FAF1: variants seen among roughly 807,000 people sequenced by gnomAD.
The protein encoded by FAF1 is FAS-associated factor 1.
FAF1 carries 25 observed loss-of-function variants against 92.5 expected under a neutral mutation model. The ratio of observed to expected loss-of-function variants is 0.27; its 90% CI spans 0.20 to 0.38. FAF1 has a LOEUF of 0.38. FAF1 is among the 10% of genes least tolerant of loss of function. FAF1 has a pLI of 1.00. For synonymous variants in FAF1, 234 were observed against 273.2 expected, an observed-to-expected ratio of 0.86 and a Z score of 1.42; for missense variants, 636 against 793.3, an observed-to-expected ratio of 0.80 and a Z score of 2.38.
chr1:50,688,828 A>T (rs973151070), intron 7 of FAF1, among the ~76,000 whole-genome samples: 10 of 152,178 alleles, frequency 6.6e-5, no homozygotes, highest in South Asian at 2.1e-4. Flanking sequence ...AAAATAAAAT[A>T]AAAATAAAAA....
intron 8 of FAF1, chr1:50,606,832 T>C (rs1345989204): frequency 6.6e-6 from 1 of 152,132 alleles, no homozygotes; most frequent in Non-Finnish European, 1.5e-5. Context: ...GCCCATATCT[T>C]ATATCACTCA....
intron 1 of FAF1, among the ~76,000 whole-genome samples, chr1:50,885,534 A>G (rs571857471): frequency 2.6e-5 from 4 of 152,190 alleles, no homozygotes; most frequent in African/African-American, 9.6e-5. Context: ...ATTACATGGA[A>G]TATCTCTTTC....
At chr1:50,949,558 GGTAA>G (rs1645197740) in intron 1 of FAF1, among the ~76,000 whole-genome samples, 1 of 152,048 alleles carries the variant, frequency 6.6e-6, no homozygotes, top group South Asian at 2.1e-4. Context: ...AAAGGAGCAG[GGTAA>G]ATATTTTAGG....
At chr1:50,481,686 C>T (rs970776628) in intron 17 of FAF1, among the ~76,000 whole-genome samples, 1 of 151,866 alleles carries the variant, frequency 6.6e-6, no homozygotes, top group African/African-American at 2.4e-5. Context: ...GGAGGGAGTG[C>T]AGGGAATGCT....
intron 7 of FAF1, among the ~76,000 whole-genome samples, chr1:50,672,944 C>G (rs1655960918): frequency 1.3e-5 from 2 of 151,870 alleles, no homozygotes; most frequent in Non-Finnish European, 2.9e-5. Context: ...ATGGCAAAAC[C>G]GTGTCTCTAC....
At chr1:50,679,568 G>A (rs375406733) in intron 7 of FAF1, among the ~76,000 whole-genome samples, 1 of 152,034 alleles carries the variant, frequency 6.6e-6, no homozygotes, top group Non-Finnish European at 1.5e-5. Flanking sequence ...CTCCTACCTG[G>A]TCCTCTCCAA....
At chr1:50,780,072 T>C in intron 4 of FAF1, among the ~76,000 whole-genome samples, 1 of 150,368 alleles carries the variant, frequency 6.7e-6, no homozygotes, top group East Asian at 2.0e-4. Flanking sequence ...AGAAAACATA[T>C]AAGAAAATGT....
chr1:50,569,611 G>A (rs968092666), intron 12 of FAF1, among the ~76,000 whole-genome samples: 4 of 152,102 alleles, frequency 2.6e-5, no homozygotes, highest in Non-Finnish European at 4.4e-5. Context: ...TACATTTAAT[G>A]AGACAGTGGG....
intron 8 of FAF1, among the ~76,000 whole-genome samples, chr1:50,615,372 G>A (rs753853509): frequency 6.6e-6 from 1 of 152,028 alleles, no homozygotes; most frequent in Admixed American, 6.6e-5. Flanking sequence ...TATTTGCTGG[G>A]GAGGGGCTGT....
rs761285803 is a variant in FAF1 at position 50,539,704 on chromosome 1, G to C, written c.1293C>G (p.His431Gln). Residue 431 changes from histidine to glutamine, a missense_variant, in exon 14 of 19, where the codon CAC becomes CAG. Physicochemically the swap from His to Gln is conservative, Grantham distance 24. Coordinates refer to ENST00000396153, the MANE Select transcript of FAF1 (RefSeq NM_007051.3). ...RARFLTMCNR[H>Q]FGSVVAQTIR... is the part of the protein sequence containing the mutation. The stretch of plus-strand genomic sequence containing the variant: ...TGGTTTGTGCCACAACACTGCCAAA[G>C]TGTCTATTGCACATAGTGAGAAATC... 6.2e-7 allele frequency: 1 copy of C among 1,612,570 alleles called. No homozygotes were observed.
chr1:50,562,649 A>G (rs1649978272), intron 13 of FAF1, among the ~76,000 whole-genome samples: 1 of 152,208 alleles, frequency 6.6e-6, no homozygotes, highest in South Asian at 2.1e-4. Context: ...CTATACTCCT[A>G]AAGTACCTTG....
chr1:50,724,306 C>CACAT (rs1553132430), intron 6 of FAF1, among the ~76,000 whole-genome samples: 173 of 145,312 alleles, frequency 1.2e-3, no homozygotes, highest in African/African-American at 3.8e-3. Flanking sequence ...TACACACACA[C>CACAT]ACACACACAC....
intron 7 of FAF1, among the ~76,000 whole-genome samples, chr1:50,691,834 T>C (rs552510408): frequency 6.6e-6 from 1 of 152,330 alleles, no homozygotes; most frequent in African/African-American, 2.4e-5. Context: ...TTTCTTTGTT[T>C]TAATTGACAA....
chr1:50,550,911 A>G (rs1217671035), intron 13 of FAF1, among the ~76,000 whole-genome samples: 1 of 152,194 alleles, frequency 6.6e-6, no homozygotes, highest in Non-Finnish European at 1.5e-5. Flanking sequence ...AAATGGTAAA[A>G]TGTAAATGCT....
intron 5 of FAF1, among the ~76,000 whole-genome samples, chr1:50,739,346 ATACATGTG>A (rs547888546): frequency 5.1e-4 from 78 of 152,206 alleles, no homozygotes; most frequent in East Asian, 1.5e-3. Context: ...GTACATGCAT[ATACATGTG>A]TACATGTGTA....
chr1:50,700,348 G>A (rs987128513), intron 7 of FAF1, among the ~76,000 whole-genome samples: 2 of 151,952 alleles, frequency 1.3e-5, no homozygotes, highest in African/African-American at 2.4e-5. Context: ...ATTTGGAGTC[G>A]AACGCAGCCC....
At chr1:50,901,203 C>T (rs1308501099) in intron 1 of FAF1, among the ~76,000 whole-genome samples, 1 of 152,032 alleles carries the variant, frequency 6.6e-6, no homozygotes, top group East Asian at 1.9e-4. Context: ...GTTAGGATTC[C>T]ACCTGCAGGG....
Position 50,539,650 on chromosome 1 carries a change from C to T in FAF1, c.1347G>A (p.Pro449=), listed in dbSNP as rs750398957. The change falls in exon 14 of 19, where the codon CCG becomes CCA. Residue 449 remains proline (P), a synonymous_variant. Transcript: ENST00000396153. ...TIRTQKTDQF[P]LFLIIMGKRS... The stretch of plus-strand genomic sequence containing the variant: ...GCTTTCCCATAATAATCAGGAAAAG[C>T]GGAAACTGATCCGTTTTTTGAGTCC... 1.4e-5 allele frequency: 23 copies of T among 1,612,440 alleles called. No individual in the cohort carries two copies. Among genetic ancestry groups the T allele is most frequent in the South Asian group, 3.3e-5 (3 of 90,968 alleles).
intron 6 of FAF1, among the ~76,000 whole-genome samples, chr1:50,719,715 T>C (rs973671035): frequency 2.0e-5 from 3 of 152,232 alleles, no homozygotes; most frequent in Non-Finnish European, 2.9e-5. Context: ...GAAATATTTA[T>C]AGACATATCA....
Sources: allele counts gnomAD v4.1 joint callset (sites outside exome capture counted in the v4.1 genomes callset), GRCh38; gene constraint gnomAD v4.1.1; transcripts MANE v1.5; gene names NCBI Gene and HGNC (gene_info 2026-07-23, HGNC 2026-07-21).